The following MKLN1 variants were observed in gnomAD, a reference collection of about 807,000 sequenced individuals.
MKLN1 encodes muskelin.
A neutral mutation model predicts 99.0 loss-of-function variants in MKLN1; 18 were observed. The observed-to-expected ratio is 0.18, with a 90% CI of 0.13 to 0.27. The LOEUF is 0.27. MKLN1 is among the 10% of genes least tolerant of loss of function. MKLN1 has a pLI of 1.00. For missense variants in MKLN1, 621 were observed against 875.9 expected, an observed-to-expected ratio of 0.71 and a Z score of 3.67; for synonymous variants, 288 against 293.2, an observed-to-expected ratio of 0.98 and a Z score of 0.18.
intron 16 of MKLN1, among the ~76,000 whole-genome samples, chr7:131,476,975 C>T (rs1045606048): frequency 1.6e-4 from 25 of 152,018 alleles, no homozygotes; most frequent in Admixed American, 9.2e-4. Flanking sequence ...CCAAGTCCAA[C>T]GGGGAAAAGA....
In MKLN1 at chr7:131,411,320, C is replaced by G. The variant is rs757016717; in HGVS notation, c.718C>G (p.Gln240Glu). The G allele has an allele frequency of 1.2e-6, 2 of 1,606,908 alleles. No homozygotes were observed. The highest frequency in any genetic ancestry group is 3.3e-5 in the Admixed American group (2 of 59,968). The change falls in exon 7 of 18, where the codon CAG becomes GAG. Residue 240 changes from glutamine (Q) to glutamate (E), a missense_variant. By Grantham distance (29) the Gln-to-Glu change is conservative. This residue lies in a region of MKLN1 where 361 missense variants were observed against 540.8 expected (regional missense o/e 0.67). Coordinates refer to ENST00000352689, the MANE Select transcript of MKLN1 (RefSeq NM_013255.5). ...AATATTTGCAGATGGCTTGTTCAAT[C>G]AGTATATCAGTCAACAGGAATATAA... is the stretch of plus-strand genomic sequence containing the variant. ...EKAVNDGLFN[Q>E]YISQQEYKPR...
intron 1 of MKLN1, among the ~76,000 whole-genome samples, chr7:131,345,945 A>T (rs1447449742): frequency 6.6e-6 from 1 of 152,244 alleles, no homozygotes; most frequent in Non-Finnish European, 1.5e-5. Context: ...AAGAAATTTT[A>T]AAAATCACTC....
intron 1 of MKLN1, among the ~76,000 whole-genome samples, chr7:131,348,463 C>T (rs537191415): frequency 2.6e-5 from 4 of 151,058 alleles, no homozygotes; most frequent in South Asian, 2.1e-4. Context: ...TTATCCATTG[C>T]GGTAATATTT....
intron 2 of MKLN1, among the ~76,000 whole-genome samples, chr7:131,196,095 T>G (rs1419973450): frequency 6.6e-6 from 1 of 152,220 alleles, no homozygotes; most frequent in Non-Finnish European, 1.5e-5. Flanking sequence ...TTATTAAAAT[T>G]TATTTTTGAA....
At chr7:131,318,624 T>C (rs965280489) in intron 3 of MKLN1, among the ~76,000 whole-genome samples, 1 of 151,136 alleles carries the variant, frequency 6.6e-6, no homozygotes, top group African/African-American at 2.4e-5. Flanking sequence ...CTGAAGGAGA[T>C]AGAGACACAA....
rs1414161673 is a variant in MKLN1, at chr7:131,491,576, A to G, written c.*3848A>G. 1 of 152,212 alleles carries G rather than the reference A, an allele frequency of 6.6e-6. No individual in the cohort carries two copies. Among genetic ancestry groups the G allele is most frequent in the Non-Finnish European group, 1.5e-5 (1 of 68,032 alleles). 9.4% of individuals were successfully genotyped at this position (152,212 alleles called of 1,614,324 possible). ...CTTGGCTATCCAAAGCTTCTAGTCT[A>G]GAGGTCTGTTGGTTGAAGGCAGACA... On this transcript the variant is annotated 3_prime_UTR_variant, in exon 18 of 18. Transcript: ENST00000352689.
intron 3 of MKLN1, among the ~76,000 whole-genome samples, chr7:131,284,661 C>G (rs1798106339): frequency 6.6e-6 from 1 of 152,204 alleles, no homozygotes; most frequent in Non-Finnish European, 1.5e-5. Context: ...AGGGTGGGCC[C>G]TTTCTAAGTG....
intron 3 of MKLN1, among the ~76,000 whole-genome samples, chr7:131,280,539 T>C (rs1314277736): frequency 6.6e-6 from 1 of 152,238 alleles, no homozygotes; most frequent in African/African-American, 2.4e-5. Context: ...TTGCATTTCC[T>C]GAATGACGAA....
chr7:131,402,201 T>G (rs1794568296), intron 6 of MKLN1, among the ~76,000 whole-genome samples: 1 of 152,184 alleles, frequency 6.6e-6, no homozygotes, highest in Admixed American at 6.5e-5. Flanking sequence ...ATTTCAACAA[T>G]GTTCACAGCA....
intron 1 of MKLN1, among the ~76,000 whole-genome samples, chr7:131,335,509 A>G (rs377395266): frequency 2.0e-5 from 3 of 152,276 alleles, no homozygotes; most frequent in East Asian, 3.9e-4. Context: ...ACCCTAACAT[A>G]ACTTATATTT....
intron 12 of MKLN1, among the ~76,000 whole-genome samples, chr7:131,453,263 GAA>G (rs1459947364): frequency 6.6e-6 from 1 of 152,150 alleles, no homozygotes; most frequent in Non-Finnish European, 1.5e-5. Flanking sequence ...GAAAGTTAAT[GAA>G]GTAGTACTGG....
chr7:131,440,144 T>A (rs1795796880), intron 10 of MKLN1, among the ~76,000 whole-genome samples: 1 of 152,134 alleles, frequency 6.6e-6, no homozygotes, highest in African/African-American at 2.4e-5. Context: ...GAAGAATCAG[T>A]GAATTAACAT....
At chr7:131,208,516 G>T (rs1796852616) in intron 3 of MKLN1, among the ~76,000 whole-genome samples, 1 of 152,166 alleles carries the variant, frequency 6.6e-6, no homozygotes. Context: ...GATTGCCTGA[G>T]CCTGGGAGGT....
At chr7:131,420,322 G>T (rs140135157) in intron 8 of MKLN1, among the ~76,000 whole-genome samples, 3 of 151,398 alleles carry the variant, frequency 2.0e-5, no homozygotes, top group Admixed American at 6.6e-5. Flanking sequence ...GAGAGAGAGA[G>T]AAACTAGAAA....
intron 3 of MKLN1, among the ~76,000 whole-genome samples, chr7:131,255,365 A>T (rs939046923): frequency 5.2e-5 from 8 of 152,384 alleles, no homozygotes; most frequent in African/African-American, 1.9e-4. Context: ...AAAGAGACAG[A>T]TAAAGAGAGT....
At chr7:131,224,388 A>T (rs1797107397) in intron 3 of MKLN1, among the ~76,000 whole-genome samples, 1 of 152,120 alleles carries the variant, frequency 6.6e-6, no homozygotes, top group Admixed American at 6.5e-5. Flanking sequence ...TCTACTAAAA[A>T]TACAAAAATT....
chr7:131,459,258 G>A (rs1269283094), intron 12 of MKLN1, among the ~76,000 whole-genome samples: 3 of 152,178 alleles, frequency 2.0e-5, no homozygotes. Flanking sequence ...AGGGTCTTGT[G>A]ACCTACTATC....
chr7:131,465,002 C>A (rs555655667), intron 14 of MKLN1, among the ~76,000 whole-genome samples: 9 of 152,174 alleles, frequency 5.9e-5, no homozygotes, highest in African/African-American at 1.9e-4. Flanking sequence ...TTCTGTTAAG[C>A]CATGGATGAT....
intron 9 of MKLN1, among the ~76,000 whole-genome samples, chr7:131,429,962 T>C (rs1285208830): frequency 1.3e-5 from 2 of 152,224 alleles, no homozygotes; most frequent in Non-Finnish European, 2.9e-5. Context: ...AGCATTTCCA[T>C]AGTGAATAAG....
Sources: allele counts gnomAD v4.1 joint callset (sites outside exome capture counted in the v4.1 genomes callset), GRCh38; gene constraint gnomAD v4.1.1; regional missense constraint gnomAD v4.1.1; transcripts MANE v1.5; gene names NCBI Gene and HGNC (gene_info 2026-07-23, HGNC 2026-07-21).